The following HHIPL1 variants were observed in gnomAD, a reference collection of about 807,000 sequenced individuals.
The protein encoded by HHIPL1 is HHIP like 1, also known as HHIP-like protein 1.
A neutral mutation model predicts 61.8 loss-of-function variants in HHIPL1; 43 were observed. The ratio of observed to expected loss-of-function variants is 0.70; its 90% CI spans 0.55 to 0.90. The LOEUF (loss-of-function observed/expected upper bound fraction) is 0.90. HHIPL1 is among the 40% of genes least tolerant of loss of function. HHIPL1 has a pLI of 0.00. For synonymous variants in HHIPL1, 482 were observed against 515.8 expected (o/e 0.93, Z 0.89); for missense variants, 1,056 against 1,157.7 (o/e 0.91, Z 1.28).
At chr14:99,613,154 TG>T in the HHIPL1 span, among the ~76,000 whole-genome samples, 1 of 151,970 alleles carries the variant, frequency 6.6e-6, no homozygotes, top group Admixed American at 6.5e-5. Context: ...TGGCCTGAAA[TG>T]AAGTTGTCTG....
chr14:99,664,801 G>A (rs2056215550), intron 6 of HHIPL1, among the ~76,000 whole-genome samples: 1 of 152,158 alleles, frequency 6.6e-6, no homozygotes, highest in Non-Finnish European at 1.5e-5. Flanking sequence ...CCACTGACAA[G>A]GGGCAGATTC....
At chr14:99,664,120 C>T (rs1274310064) in intron 6 of HHIPL1, among the ~76,000 whole-genome samples, 1 of 152,182 alleles carries the variant, frequency 6.6e-6, no homozygotes, top group African/African-American at 2.4e-5. Context: ...TGCTTTTGTC[C>T]TTGGCCCCGG....
chr14:99,614,259 G>A, the HHIPL1 span, among the ~76,000 whole-genome samples: 2 of 152,162 alleles, frequency 1.3e-5, no homozygotes, highest in Admixed American at 6.5e-5. Flanking sequence ...TGGGTGCCCC[G>A]GAGCCCAGAG....
At chr14:99,635,957 G>C in the HHIPL1 span, among the ~76,000 whole-genome samples, 1 of 152,232 alleles carries the variant, frequency 6.6e-6, no homozygotes, top group Non-Finnish European at 1.5e-5. Flanking sequence ...GTCTCGGCCA[G>C]AGCACTGCCC....
chr14:99,619,015 GGGGAGGGT>G, the HHIPL1 span, among the ~76,000 whole-genome samples: 1 of 152,146 alleles, frequency 6.6e-6, no homozygotes. Context: ...CCTGGGGACT[GGGGAGGGT>G]GAGAGGGAGA....
rs1229261290 is a variant in HHIPL1 at position 99,675,462 on chromosome 14, G to T, written c.2185G>T (p.Glu729Ter). The T allele has an allele frequency of 6.5e-7, 1 of 1,540,332 alleles. No homozygotes were observed. Among genetic ancestry groups the T allele is most frequent in the Non-Finnish European group, 8.7e-7 (1 of 1,146,128 alleles). The change falls in exon 9 of 9, where the codon GAG (glutamate) becomes TAG (stop). Residue 729 changes from glutamate to a stop codon, truncating the protein, a stop_gained. Coordinates refer to ENST00000330710, the MANE Select transcript of HHIPL1 (RefSeq NM_001127258.3). LOFTEE classifies it low-confidence loss of function (END_TRUNC). The surrounding 1 kb of genome is among the most constrained non-coding windows in gnomAD (Gnocchi z 5.4). ...AYAVRAVKRA[E>*]FGQGGSLPIL... ...CGCCGTGCGCGCCGTCAAGAGAGCC[G>T]AGTTCGGCCAGGGCGGCTCGCTGCC...
chr14:99,623,267 C>A, the HHIPL1 span, among the ~76,000 whole-genome samples: 1 of 152,304 alleles, frequency 6.6e-6, no homozygotes, highest in African/African-American at 2.4e-5. Flanking sequence ...TGCCTATTAC[C>A]CTTTAAGGCT....
At chr14:99,653,706 C>G (rs1264480119) in intron 2 of HHIPL1, among the ~76,000 whole-genome samples, 1 of 152,216 alleles carries the variant, frequency 6.6e-6, no homozygotes, top group Non-Finnish European at 1.5e-5. Flanking sequence ...GGCTTTTGCT[C>G]CTCTCAACAA....
intron 7 of HHIPL1, among the ~76,000 whole-genome samples, chr14:99,671,147 A>G (rs1228509701): frequency 6.6e-6 from 1 of 152,156 alleles, no homozygotes; most frequent in Non-Finnish European, 1.5e-5. Flanking sequence ...GCACCCACAC[A>G]TATTACACAG....
chr14:99,650,384 G>C (rs1026539021), intron 1 of HHIPL1, among the ~76,000 whole-genome samples: 1 of 152,246 alleles, frequency 6.6e-6, no homozygotes, highest in Admixed American at 6.5e-5. Context: ...CCCAGGCTTG[G>C]CCTGGTGGAC....
the HHIPL1 span, among the ~76,000 whole-genome samples, chr14:99,627,195 CCCATCCATCCATCCATCCAT>C: frequency 1.8e-4 from 26 of 147,576 alleles, no homozygotes; most frequent in African/African-American, 6.2e-4. This position sits in a 1 kb window ranked among gnomAD's most constrained non-coding sequence, Gnocchi z 4.4. Flanking sequence ...CTTCTATCTT[CCCATCCATCCATCCATCCAT>C]CCATCCATCC....
rs756462110 is a variant in HHIPL1 at position 99,652,692 on chromosome 14, T to C, written c.724T>C (p.Ser242Pro). The change falls in exon 2 of 9, where the codon TCG becomes CCG. Residue 242 changes from serine (S) to proline (P), a missense_variant. By Grantham distance (74) the Ser-to-Pro change is moderately conservative (BLOSUM62 -1). Coordinates refer to ENST00000330710, the MANE Select transcript of HHIPL1 (RefSeq NM_001127258.3). ...FLNISRVVLT[S>P]PWEGDERGFL... ...GAACATCAGCCGGGTGGTGCTCACC[T>C]CGCCCTGGGAGGGTGACGAGCGTGG... The C allele has an allele frequency of 9.9e-6, 16 of 1,613,884 alleles. No individual in the cohort carries two copies. Among genetic ancestry groups the C allele is most frequent in the Non-Finnish European group, 1.4e-5 (16 of 1,180,044 alleles).
chr14:99,669,509 T>G (rs2056302319), intron 7 of HHIPL1, among the ~76,000 whole-genome samples: 1 of 152,160 alleles, frequency 6.6e-6, no homozygotes, highest in Non-Finnish European at 1.5e-5. Context: ...CTGGCATGTT[T>G]CACGTTCTTG....
rs2056133860 is a variant in HHIPL1, at chr14:99,660,433, C to G, written c.1502+27C>G. On this transcript the variant is annotated intron_variant, in intron 5 of 8. Coordinates refer to ENST00000330710, the MANE Select transcript of HHIPL1 (RefSeq NM_001127258.3). This position sits in a 1 kb window ranked among gnomAD's most constrained non-coding sequence, Gnocchi z 4.9. Reference sequence around the variant, plus strand: ...TAAGTGACCTAGTGCCCTCGCGCCCCTGGCTGCTGCCACTGGCTCCTTGGG... The same window carrying G: ...TAAGTGACCTAGTGCCCTCGCGCCCGTGGCTGCTGCCACTGGCTCCTTGGG... 4 of 1,598,290 alleles carry G rather than the reference C, an allele frequency of 2.5e-6. No homozygotes were observed. Among genetic ancestry groups the G allele is most frequent in the Non-Finnish European group, 2.6e-6 (3 of 1,169,298 alleles).
At chr14:99,665,407 A>T (rs1330087373) in intron 6 of HHIPL1, among the ~76,000 whole-genome samples, 1 of 152,144 alleles carries the variant, frequency 6.6e-6, no homozygotes, top group South Asian at 2.1e-4. Context: ...TGGGGGTCTT[A>T]TGACCTGCAA....
chr14:99,645,146 G>T lies in HHIPL1; in HGVS notation c.-62G>T. Reference sequence around the variant, plus strand: ...GCGCCCGCCCCTTCCCTGCCGCCGCGAGCGCCCCGGGAGGGGACCGGGGCT... The same window carrying T: ...GCGCCCGCCCCTTCCCTGCCGCCGCTAGCGCCCCGGGAGGGGACCGGGGCT... On this transcript the variant is annotated 5_prime_UTR_variant, in exon 1 of 9. Coordinates refer to ENST00000330710, the MANE Select transcript of HHIPL1 (RefSeq NM_001127258.3). The T allele has an allele frequency of 8.1e-7, 1 of 1,237,868 alleles. No homozygotes were observed. Among genetic ancestry groups the T allele is most frequent in the South Asian group, 3.4e-5 (1 of 29,042 alleles). 76.7% of individuals were successfully genotyped at this position (1,237,868 alleles called of 1,614,324 possible).
Position 99,659,550 on chromosome 14 carries a change from C to T in HHIPL1, c.1169C>T (p.Ala390Val). Residue 390 changes from alanine (A) to valine (V), a missense_variant, in exon 4 of 9, where the codon GCC becomes GTC. Transcript: ENST00000330710. ...GDPAAQPEVY[A>V]LGVRNMWRCS... ...CCCGCGGCGCAGCCCGAGGTCTACG[C>T]CCTGGGCGTGCGCAACATGTGGCGC... is the stretch of plus-strand genomic sequence containing the variant. 1 of 1,549,044 alleles carries T rather than the reference C, an allele frequency of 6.5e-7. No individual in the cohort carries two copies. The highest frequency in any genetic ancestry group is 1.9e-5 in the Admixed American group (1 of 52,638).
chr14:99,630,000 C>T, the HHIPL1 span, among the ~76,000 whole-genome samples: 1 of 152,204 alleles, frequency 6.6e-6, no homozygotes, highest in African/African-American at 2.4e-5. Flanking sequence ...GGGTGCTCAT[C>T]CCTTAAGTGG....
At chr14:99,638,469 G>A in the HHIPL1 span, among the ~76,000 whole-genome samples, 2 of 152,306 alleles carry the variant, frequency 1.3e-5, 1 homozygote, top group South Asian at 4.1e-4. Context: ...GACCCAGTCT[G>A]GCCAGAGAGG....
Sources: allele counts gnomAD v4.1 joint callset (sites outside exome capture counted in the v4.1 genomes callset), GRCh38; gene constraint gnomAD v4.1.1; non-coding constraint Gnocchi (gnomAD v3.1); transcripts MANE v1.5; gene names NCBI Gene and HGNC (gene_info 2026-07-23, HGNC 2026-07-21).